The following DNAH9 variants were observed in gnomAD, a reference collection of about 807,000 sequenced individuals.
The protein encoded by DNAH9 is dynein axonemal heavy chain 9, also known as DNAH9 variant protein.
A neutral mutation model predicts 471.6 loss-of-function variants in DNAH9; 345 were observed. That is an observed-to-expected ratio of 0.73 (90% CI 0.67 to 0.80). The LOEUF (loss-of-function observed/expected upper bound fraction) is 0.80. DNAH9 is among the 30% of genes least tolerant of loss of function. DNAH9 has a pLI of 0.00. For missense variants in DNAH9, 5,407 were observed against 5,609.2 expected (o/e 0.96, Z 1.15); for synonymous variants, 2,093 against 2,123.6 (o/e 0.99, Z 0.40).
chr17:11,766,986 GAAAGA>G (rs1476183035), intron 36 of DNAH9, among the ~76,000 whole-genome samples: 7 of 141,760 alleles, frequency 4.9e-5, no homozygotes, highest in African/African-American at 1.8e-4. Context: ...AAAAAAAAAA[GAAAGA>G]AAAGGAAAAA....
chr17:11,915,180 C>CA (rs1349745631), intron 61 of DNAH9, among the ~76,000 whole-genome samples: 2 of 152,286 alleles, frequency 1.3e-5, no homozygotes, highest in Middle Eastern at 3.4e-3. Flanking sequence ...CAGCCAGAGT[C>CA]ATGTTGCTAA....
intron 38 of DNAH9, among the ~76,000 whole-genome samples, chr17:11,777,178 G>T (rs1968468841): frequency 6.6e-6 from 1 of 152,136 alleles, no homozygotes. Context: ...ACTTGAGTGA[G>T]ATGACATGGT....
intron 14 of DNAH9, 120 bp from the exon 15 acceptor site, chr17:11,664,713 T>C (rs759142149): frequency 2.5e-6 from 2 of 801,372 alleles, no homozygotes; most frequent in Non-Finnish European, 4.0e-6. Context: ...ACATGTGTAA[T>C]AGCAAATTCT....
chr17:11,728,645 A>T (rs759708071), intron 28 of DNAH9, among the ~76,000 whole-genome samples: 5 of 152,010 alleles, frequency 3.3e-5, no homozygotes, highest in Non-Finnish European at 7.4e-5. Context: ...CATTGAAAAG[A>T]TGGAGAGGAT....
chr17:11,818,413 G>A (rs1274638710), intron 45 of DNAH9, among the ~76,000 whole-genome samples: 1 of 150,194 alleles, frequency 6.7e-6, no homozygotes, highest in Admixed American at 6.6e-5. Context: ...TGGTGACAGA[G>A]CAAGACTCCG....
At chr17:11,805,231 A>C (rs576129582) in intron 43 of DNAH9, among the ~76,000 whole-genome samples, 2 of 152,266 alleles carry the variant, frequency 1.3e-5, no homozygotes, top group South Asian at 2.1e-4. Flanking sequence ...CAGTACATGC[A>C]AGAAATTTGC....
At chr17:11,931,426 TGAA>T (rs1974504873) in intron 63 of DNAH9, among the ~76,000 whole-genome samples, 2 of 152,166 alleles carry the variant, frequency 1.3e-5, no homozygotes, top group Admixed American at 1.3e-4. Flanking sequence ...TAAAGTAAGA[TGAA>T]GACCATGTAA....
At chr17:11,604,388 T>C (rs2072454058) in intron 1 of DNAH9, among the ~76,000 whole-genome samples, 1 of 152,222 alleles carries the variant, frequency 6.6e-6, no homozygotes, top group East Asian at 1.9e-4. Context: ...CTTCTCTCTA[T>C]ATACACCCAT....
chr17:11,727,731 CTA>C (rs1182473868), intron 27 of DNAH9, 85 bp from the exon 28 acceptor site: 6 of 848,074 alleles, frequency 7.1e-6, no homozygotes, highest in Middle Eastern at 4.4e-4. Flanking sequence ...CTAGAAGTAT[CTA>C]TAATAAAGGG....
intron 49 of DNAH9, among the ~76,000 whole-genome samples, chr17:11,849,588 C>G (rs190555097): frequency 2.0e-5 from 3 of 152,324 alleles, no homozygotes; most frequent in Admixed American, 1.3e-4. Flanking sequence ...CAGCCTGGAA[C>G]AGTCTTCCTG....
chr17:11,940,722 A>C (rs904129279), intron 66 of DNAH9, among the ~76,000 whole-genome samples: 2 of 152,110 alleles, frequency 1.3e-5, no homozygotes, highest in Non-Finnish European at 2.9e-5. Context: ...AGACTGCCAC[A>C]CTCATCAGCT....
intron 28 of DNAH9, among the ~76,000 whole-genome samples, chr17:11,731,469 A>G (rs1348608633): frequency 6.6e-6 from 1 of 151,390 alleles, no homozygotes; most frequent in Non-Finnish European, 1.5e-5. Context: ...TTACATATGT[A>G]TACATGTGCC....
chr17:11,661,906 G>A (rs1017054376), intron 14 of DNAH9, among the ~76,000 whole-genome samples: 2 of 151,842 alleles, frequency 1.3e-5, no homozygotes, highest in Admixed American at 6.6e-5. Flanking sequence ...TCATCTTCAG[G>A]CTTGTTATTC....
At chr17:11,599,903 A>T (rs1447175667) in intron 1 of DNAH9, among the ~76,000 whole-genome samples, 2 of 152,200 alleles carry the variant, frequency 1.3e-5, no homozygotes. Flanking sequence ...GTAATAATTC[A>T]TATATTCAAA....
At position 11,768,822 on chromosome 17, in the gene DNAH9, C is replaced by T. The variant is rs144112751; in HGVS notation, c.7344+196C>T. ...TCTACTAAAGGCCAGGACATTTCCTCAAGAGAGGAGGAAATGGCAGGGGCA... is the reference window on the plus strand; with the variant it reads ...TCTACTAAAGGCCAGGACATTTCCTTAAGAGAGGAGGAAATGGCAGGGGCA... On this transcript the variant is annotated intron_variant, in intron 37 of 68. Coordinates refer to ENST00000262442, the MANE Select transcript of DNAH9 (RefSeq NM_001372.4). Among the ~76,000 whole-genome samples, 877 of 152,202 alleles carry T rather than the reference C, an allele frequency of 5.8e-3. 10 individuals carry two copies. The highest frequency in any genetic ancestry group is 9.0e-3 in the Non-Finnish European group (613 of 68,016).
At chr17:11,738,844 A>G (rs767515216) in intron 28 of DNAH9, 36 bp from the exon 29 acceptor site, 34 of 1,604,676 alleles carry the variant, frequency 2.1e-5, no homozygotes, top group East Asian at 1.3e-4. Flanking sequence ...CTAAAAGGCA[A>G]TTGAGGAATT....
intron 33 of DNAH9, among the ~76,000 whole-genome samples, chr17:11,755,365 A>G (rs565657449): frequency 2.0e-5 from 3 of 152,152 alleles, no homozygotes; most frequent in South Asian, 2.1e-4. Flanking sequence ...GAAGAATGTC[A>G]TTGGTAATTT....
chr17:11,617,273 A>G, intron 4 of DNAH9, 138 bp from the exon 5 acceptor site: 1 of 612,072 alleles, frequency 1.6e-6, no homozygotes, highest in Middle Eastern at 3.3e-4. Flanking sequence ...ATTTCCTCAT[A>G]AGAGCTAGGA....
chr17:11,622,468 T>C (rs954861452), intron 6 of DNAH9, among the ~76,000 whole-genome samples: 1 of 152,084 alleles, frequency 6.6e-6, no homozygotes, highest in Non-Finnish European at 1.5e-5. Context: ...TGCTGCTGTT[T>C]AGTGAGAGGT....
Sources: gnomAD v4.1 joint callset for allele counts (sites outside exome capture counted in the v4.1 genomes callset) on GRCh38, gnomAD v4.1.1 for gene constraint, MANE v1.5 for transcripts, NCBI Gene and HGNC (gene_info 2026-07-23, HGNC 2026-07-21) for gene names.